Variants in SLC35D4 observed in about 807,000 individuals in gnomAD.
The protein encoded by SLC35D4 is UDP-N-acetylglucosamine transporter SLC35D4.
the SLC35D4 span, among the ~76,000 whole-genome samples, chr18:23,368,452 G>A: frequency 3.3e-5 from 5 of 152,322 alleles, no homozygotes; most frequent in East Asian, 1.9e-4. Flanking sequence ...TCTGGGATGA[G>A]AGAAACGTCC....
the SLC35D4 span, among the ~76,000 whole-genome samples, chr18:23,376,333 A>G: frequency 6.6e-6 from 1 of 150,444 alleles, no homozygotes; most frequent in Admixed American, 6.6e-5. Context: ...ACTGTACCCA[A>G]TGGACCAGCA....
the SLC35D4 span, among the ~76,000 whole-genome samples, chr18:23,414,922 G>C: frequency 2.0e-5 from 3 of 152,098 alleles, no homozygotes; most frequent in Non-Finnish European, 4.4e-5. Context: ...AGACCTACCT[G>C]GGCAACATAG....
chr18:23,419,657 A>G, the SLC35D4 span, among the ~76,000 whole-genome samples: 8 of 152,228 alleles, frequency 5.3e-5, no homozygotes, highest in South Asian at 1.7e-3. Context: ...GTAATGTGTG[A>G]TCTGGATTGG....
the SLC35D4 span, among the ~76,000 whole-genome samples, chr18:23,303,518 G>T: frequency 6.6e-6 from 1 of 152,186 alleles, no homozygotes; most frequent in Non-Finnish European, 1.5e-5. Flanking sequence ...CTCACGTTCA[G>T]TTCAATACCT....
chr18:23,399,430 A>G, the SLC35D4 span: 13 of 772,954 alleles, frequency 1.7e-5, 1 homozygote, highest in African/African-American at 8.8e-5. Context: ...CTTCAACTCA[A>G]CAAAAGGGAG....
the SLC35D4 span, among the ~76,000 whole-genome samples, chr18:23,361,103 C>CAAAAAAAAAAAAAAAAAAAAAAAAA: frequency 1.8e-4 from 17 of 94,092 alleles, no homozygotes; most frequent in South Asian, 4.1e-4. Context: ...GACTTTGTCT[C>CAAAAAAAAAAAAAAAAAAAAAAAAA]AAAAAAAAAA....
chr18:23,253,494 A>G, the SLC35D4 span, among the ~76,000 whole-genome samples: 6 of 152,198 alleles, frequency 3.9e-5, no homozygotes, highest in Non-Finnish European at 7.4e-5. Flanking sequence ...AAAGAAAAAC[A>G]AAAAAAGTAA....
chr18:23,249,796 C>T, the SLC35D4 span, among the ~76,000 whole-genome samples: 1 of 152,086 alleles, frequency 6.6e-6, no homozygotes, highest in Non-Finnish European at 1.5e-5. Flanking sequence ...TCTTCTCGGA[C>T]ATCCTGGTGA....
chr18:23,383,316 C>A, the SLC35D4 span, among the ~76,000 whole-genome samples: 8 of 151,140 alleles, frequency 5.3e-5, no homozygotes, highest in African/African-American at 2.0e-4. Context: ...CCTGAAGAGG[C>A]AGACAAAGGA....
chr18:23,251,559 ATTGT>A, the SLC35D4 span, among the ~76,000 whole-genome samples: 2 of 152,190 alleles, frequency 1.3e-5, no homozygotes, highest in African/African-American at 4.8e-5. Context: ...CCAGAAAAAA[ATTGT>A]TTAATTCAGA....
the SLC35D4 span, among the ~76,000 whole-genome samples, chr18:23,342,464 AT>A: frequency 6.6e-6 from 1 of 152,100 alleles, no homozygotes; most frequent in African/African-American, 2.4e-5. Flanking sequence ...TCTTATTTAT[AT>A]ATTCACTAGT....
chr18:23,267,687 T>A, the SLC35D4 span, among the ~76,000 whole-genome samples: 2 of 152,140 alleles, frequency 1.3e-5, no homozygotes, highest in Non-Finnish European at 2.9e-5. Flanking sequence ...CACCTCTGCT[T>A]CACATCTGGG....
chr18:23,249,603 G>A, the SLC35D4 span, among the ~76,000 whole-genome samples: 8 of 152,148 alleles, frequency 5.3e-5, no homozygotes, highest in East Asian at 1.9e-4. Flanking sequence ...TTTTACGTAC[G>A]TTTTGTTCTC....
At chr18:23,385,108 C>T in the SLC35D4 span, 22 of 1,571,458 alleles carry the variant, frequency 1.4e-5, no homozygotes, top group African/African-American at 6.7e-5. Flanking sequence ...ATATTTTCTT[C>T]GATCTCATAA....
At chr18:23,393,918 C>A in the SLC35D4 span, among the ~76,000 whole-genome samples, 1 of 152,150 alleles carries the variant, frequency 6.6e-6, no homozygotes, top group African/African-American at 2.4e-5. Context: ...TGTGCCCAGC[C>A]CCATTGTTTG....
At chr18:23,400,934 A>G in the SLC35D4 span, among the ~76,000 whole-genome samples, 1 of 152,206 alleles carries the variant, frequency 6.6e-6, no homozygotes, top group Non-Finnish European at 1.5e-5. Flanking sequence ...TCATTGTGCA[A>G]ATACTTACAG....
the SLC35D4 span, among the ~76,000 whole-genome samples, chr18:23,384,270 G>A: frequency 2.0e-5 from 3 of 151,850 alleles, no homozygotes; most frequent in East Asian, 1.9e-4. Flanking sequence ...CAGCCTGGGC[G>A]ACAGAGCAAG....
At chr18:23,368,576 A>C in the SLC35D4 span, 5 of 596,856 alleles carry the variant, frequency 8.4e-6, no homozygotes, top group Admixed American at 1.4e-4. Flanking sequence ...TGGTCTCCTC[A>C]ACTCTGTCAT....
the SLC35D4 span, among the ~76,000 whole-genome samples, chr18:23,245,893 TCA>T: frequency 6.6e-6 from 1 of 152,186 alleles, no homozygotes; most frequent in African/African-American, 2.4e-5. Flanking sequence ...CCCCCATCCA[TCA>T]CACAGCCTGG....
Sources: allele counts gnomAD v4.1 joint callset (sites outside exome capture counted in the v4.1 genomes callset), GRCh38; gene constraint gnomAD v4.1.1; transcripts MANE v1.5; gene names NCBI Gene and HGNC (gene_info 2026-07-23, HGNC 2026-07-21).